Variants in CHST15 observed in about 807,000 individuals in gnomAD.
The protein encoded by CHST15 is B cell RAG associated protein (GALNAC4S-6ST).
A neutral mutation model predicts 53.6 loss-of-function variants in CHST15; 30 were observed. The observed-to-expected ratio is 0.56, with a 90% CI of 0.42 to 0.76. The LOEUF is 0.76. Ranked by LOEUF, CHST15 falls within the 30% of genes least tolerant of loss-of-function variation. The pLI is 0.00. For synonymous variants in CHST15, 296 were observed against 289.8 expected (o/e 1.02, Z -0.22); for missense variants, 627 against 740.5 (o/e 0.85, Z 1.78).
chr10:124,030,179 T>C (rs1282886058), intron 5 of CHST15, among the ~76,000 whole-genome samples: 2 of 152,178 alleles, frequency 1.3e-5, no homozygotes. Context: ...AGAGAACCCC[T>C]TCACAAAGAC....
At chr10:124,010,684 G>A (rs1372580028) in intron 7 of CHST15, 1 of 985,340 alleles carries the variant, frequency 1.0e-6, no homozygotes, top group Non-Finnish European at 1.2e-6. Context: ...GCCCGTCCTT[G>A]GAGGAACGTG....
intron 6 of CHST15, among the ~76,000 whole-genome samples, chr10:124,013,233 C>T (rs1832942952): frequency 6.6e-6 from 1 of 152,170 alleles, no homozygotes; most frequent in Non-Finnish European, 1.5e-5. Context: ...GGCAGGCTAA[C>T]ACTGAGATTG....
chr10:124,038,398 A>T lies in CHST15; in HGVS notation c.1190+117T>A, dbSNP rs1005902820. On this transcript the variant is annotated intron_variant, in intron 5 of 7. Transcript: ENST00000435907. Reference sequence around the variant, plus strand: ...TGGGATTACAGGCATGAGCCACTGTACCCGACCTGTTTAATTTTTTCTAAA... The same window carrying T: ...TGGGATTACAGGCATGAGCCACTGTTCCCGACCTGTTTAATTTTTTCTAAA... 17 of 1,208,762 alleles carry T rather than the reference A, an allele frequency of 1.4e-5. No homozygotes were observed. In the African/African-American group the frequency reaches 2.4e-4, roughly 17 times the overall value. 74.9% of individuals were successfully genotyped at this position (1,208,762 alleles called of 1,614,324 possible).
intron 5 of CHST15, among the ~76,000 whole-genome samples, chr10:124,026,047 C>G (rs1590205324): frequency 6.6e-6 from 1 of 152,134 alleles, no homozygotes; most frequent in South Asian, 2.1e-4. Flanking sequence ...GATTTTAAAC[C>G]CCAATTCTAA....
chr10:124,057,265 C>G (rs1948415652), intron 1 of CHST15, among the ~76,000 whole-genome samples: 1 of 152,210 alleles, frequency 6.6e-6, no homozygotes, highest in African/African-American at 2.4e-5. Context: ...TTATCTTCAT[C>G]TGTTATGTCT....
intron 4 of CHST15, among the ~76,000 whole-genome samples, chr10:124,039,871 G>GA (rs1947671547): frequency 2.0e-5 from 3 of 152,218 alleles, no homozygotes; most frequent in Admixed American, 2.0e-4. Context: ...GGACACATCT[G>GA]AAAGTTACTT....
intron 1 of CHST15, among the ~76,000 whole-genome samples, chr10:124,063,135 C>A (rs1291960567): frequency 1.3e-5 from 2 of 152,138 alleles, no homozygotes; most frequent in Non-Finnish European, 2.9e-5. Context: ...GTAATCCCAG[C>A]ACTTTAGGAG....
intron 5 of CHST15, among the ~76,000 whole-genome samples, chr10:124,028,153 G>C (rs1474445040): frequency 6.6e-6 from 1 of 152,170 alleles, no homozygotes; most frequent in Admixed American, 6.5e-5. Flanking sequence ...ATGTGTTTAC[G>C]GAACATCACA....
In CHST15 at chr10:124,009,337, CA is replaced by C. The variant is rs35288086; in HGVS notation, c.*811del. On this transcript the variant is annotated 3_prime_UTR_variant, in exon 8 of 8. Transcript: ENST00000435907. ...TATGAAGAGGCAGCAGAGAGAGAGC[CA>C]GGACTGGTTAAATGCAGAAAGTGGT... The C allele has an allele frequency of 5.7e-3, 5,956 of 1,044,322 alleles. 144 individuals are homozygous for C. The African/African-American group carries it at 0.062, about 11-fold the overall frequency. 64.7% of individuals were successfully genotyped at this position (1,044,322 alleles called of 1,614,324 possible).
intron 1 of CHST15, among the ~76,000 whole-genome samples, chr10:124,052,864 T>C (rs1239820484): frequency 6.6e-6 from 1 of 152,044 alleles, no homozygotes; most frequent in Non-Finnish European, 1.5e-5. Flanking sequence ...TGAAACCCAA[T>C]CTCTACTAAA....
At chr10:124,039,842 C>T (rs1947670475) in intron 4 of CHST15, among the ~76,000 whole-genome samples, 2 of 152,158 alleles carry the variant, frequency 1.3e-5, no homozygotes, top group Admixed American at 6.5e-5. Flanking sequence ...GATTTCCTGA[C>T]AGTTTGCCAA....
chr10:124,081,277 T>C (rs1225985642), intron 1 of CHST15, among the ~76,000 whole-genome samples: 1 of 152,242 alleles, frequency 6.6e-6, no homozygotes. Flanking sequence ...GAAGAATGAT[T>C]ACAATCACTG....
Position 124,044,842 on chromosome 10 carries a change from G to C in CHST15, c.624C>G (p.Asn208Lys), listed in dbSNP as rs1014795251. Residue 208 changes from asparagine to lysine, a missense_variant, in exon 3 of 8, where the codon AAC becomes AAG. Asn to Lys is a moderately conservative substitution (Grantham distance 94). Coordinates refer to ENST00000435907, the MANE Select transcript of CHST15 (RefSeq NM_001270764.2). ...PCWYEEFSGQ[N>K]TTDPYLTNSY... ...AGTTGGTGAGGTAGGGGTCGGTGGT[G>C]TTCTGCCCCGAGAACTCCTCGTACC... The C allele has an allele frequency of 2.6e-6, 4 of 1,530,852 alleles. No homozygotes were observed. In the African/African-American group the frequency reaches 5.6e-5, roughly 21 times the overall value. The allele number at this position is 1,530,852 out of a possible 1,614,324, so 94.8% of individuals were successfully genotyped here. A position where few individuals can be genotyped will look rare whatever the true frequency, so the allele number is the denominator to read the frequency against.
Position 124,078,946 on chromosome 10 carries a change from C to G in CHST15, c.-513+14523G>C, listed in dbSNP as rs372267242. On this transcript the variant is annotated intron_variant, in intron 1 of 7. Coordinates refer to ENST00000435907, the MANE Select transcript of CHST15 (RefSeq NM_001270764.2). Reference sequence around the variant, plus strand: ...TCTTCTTGTGAGTCTGAAATTATTTCAAAATAAAAAATTAAAATAAAAGTA... The same window carrying G: ...TCTTCTTGTGAGTCTGAAATTATTTGAAAATAAAAAATTAAAATAAAAGTA... Among the ~76,000 whole-genome samples, 27 of 152,030 alleles carry G rather than the reference C, an allele frequency of 1.8e-4. No individual in the cohort carries two copies. In the South Asian group the frequency reaches 5.0e-3, roughly 28 times the overall value.
rs200905582 is a variant in CHST15, at chr10:124,021,246, G to A, written c.1347+10C>T. ...CCAGCTCGGGGGGTACGGGGGGGGG[G>A]GGTACACACAGGCATGGCGTTGTTG... On this transcript the variant is annotated intron_variant, in intron 6 of 7. Coordinates refer to ENST00000435907, the MANE Select transcript of CHST15 (RefSeq NM_001270764.2). The A allele has an allele frequency of 1.9e-5, 29 of 1,562,614 alleles. No homozygotes were observed. The highest frequency in any genetic ancestry group is 2.3e-5 in the Non-Finnish European group (26 of 1,144,770).
At chr10:124,080,984 T>C (rs558044083) in intron 1 of CHST15, among the ~76,000 whole-genome samples, 1 of 152,350 alleles carries the variant, frequency 6.6e-6, no homozygotes, top group East Asian at 1.9e-4. Flanking sequence ...AATTCTGCAC[T>C]GACCAGCTAT....
At chr10:124,062,570 C>T (rs1590313284) in intron 1 of CHST15, among the ~76,000 whole-genome samples, 1 of 152,108 alleles carries the variant, frequency 6.6e-6, no homozygotes. Context: ...CAAAAATATG[C>T]CCATAGTGCC....
chr10:124,058,480 T>C (rs1487813546), intron 1 of CHST15, among the ~76,000 whole-genome samples: 1 of 152,118 alleles, frequency 6.6e-6, no homozygotes, highest in Non-Finnish European at 1.5e-5. Flanking sequence ...TCACCAGTGG[T>C]GGGGCCAAAA....
rs1946931463 is a variant in CHST15 at position 124,024,789 on chromosome 10, T to C, written c.1191-3377A>G. ...AACCTTCAAGCAAGGTTTGGCTGTG[T>C]GCACTGAGGGGTGCCAGGTGGCAAT... On this transcript the variant is annotated intron_variant, in intron 5 of 7. Coordinates refer to ENST00000435907, the MANE Select transcript of CHST15 (RefSeq NM_001270764.2). The surrounding 1 kb of genome is among the most constrained non-coding windows in gnomAD (Gnocchi z 4.0). Among the ~76,000 whole-genome samples the C allele has an allele frequency of 6.6e-6, 1 of 152,208 alleles. No homozygotes were observed.
Sources: gnomAD v4.1 joint callset for allele counts (sites outside exome capture counted in the v4.1 genomes callset) on GRCh38, gnomAD v4.1.1 for gene constraint, Gnocchi (gnomAD v3.1) non-coding constraint, MANE v1.5 for transcripts, NCBI Gene and HGNC (gene_info 2026-07-23, HGNC 2026-07-21) for gene names.